RHAG: variants seen among roughly 807,000 people sequenced by gnomAD.
The protein encoded by RHAG is Rh associated glycoprotein.
RHAG carries 25 observed loss-of-function variants against 42.4 expected under a neutral mutation model. That is an observed-to-expected ratio of 0.59 (90% CI 0.43 to 0.82). RHAG has a LOEUF of 0.82. RHAG is among the 40% of genes least tolerant of loss of function. The pLI is 0.00. For synonymous variants in RHAG, 182 were observed against 177.7 expected, an observed-to-expected ratio of 1.02 and a Z score of -0.19; for missense variants, 483 against 504.6, an observed-to-expected ratio of 0.96 and a Z score of 0.41.
At chr6:49,614,980 C>A in intron 4 of RHAG, 127 bp from the exon 5 acceptor site, 1 of 877,976 alleles carries the variant, frequency 1.1e-6, no homozygotes, top group Non-Finnish European at 1.8e-6. Context: ...TGGAGTGTCC[C>A]TCTGTCACCC....
Position 49,605,454 on chromosome 6 carries a change from G to T in RHAG, c.*359C>A. 2 of 273,464 alleles carry T rather than the reference G, an allele frequency of 7.3e-6. No individual in the cohort carries two copies. The highest frequency in any genetic ancestry group is 1.4e-5 in the Non-Finnish European group (2 of 141,862). 16.9% of individuals were successfully genotyped at this position (273,464 alleles called of 1,614,324 possible). The stretch of plus-strand genomic sequence containing the variant: ...ATGGGTTTCAGTTTTATAATTTTTG[G>T]GATTGAAGACATAGTGTCTACATTA... On this transcript the variant is annotated 3_prime_UTR_variant, in exon 10 of 10. Transcript: ENST00000371175.
chr6:49,635,286 G>A (rs1451078174), intron 1 of RHAG, among the ~76,000 whole-genome samples: 3 of 151,928 alleles, frequency 2.0e-5, no homozygotes, highest in Non-Finnish European at 4.4e-5. Flanking sequence ...AAAGTCTTAA[G>A]ATAACTTTAT....
chr6:49,633,943 A>G (rs1223743597), intron 1 of RHAG, among the ~76,000 whole-genome samples: 3 of 152,100 alleles, frequency 2.0e-5, no homozygotes, highest in Non-Finnish European at 2.9e-5. Flanking sequence ...TCCTGAGGAC[A>G]TGGACTTTGC....
chr6:49,631,398 A>G (rs1762934236), intron 1 of RHAG, among the ~76,000 whole-genome samples: 1 of 152,194 alleles, frequency 6.6e-6, no homozygotes, highest in Non-Finnish European at 1.5e-5. Flanking sequence ...GTATTCTTCT[A>G]TAAAGAAGAG....
chr6:49,616,477 G>A (rs550099858), intron 3 of RHAG, among the ~76,000 whole-genome samples: 3 of 151,790 alleles, frequency 2.0e-5, no homozygotes, highest in South Asian at 2.1e-4. Context: ...AAAAACCAGA[G>A]TTTTTACCCA....
intron 6 of RHAG, 97 bp from the exon 7 acceptor site, chr6:49,611,242 G>T: frequency 1.1e-6 from 1 of 930,716 alleles, no homozygotes; most frequent in Non-Finnish European, 1.7e-6. Flanking sequence ...CTTCCATGGA[G>T]AAAAAGTATT....
At chr6:49,616,321 G>A (rs9473625) in intron 3 of RHAG, among the ~76,000 whole-genome samples, 25,406 of 137,412 alleles carry the variant, frequency 0.18, 2,372 homozygotes, top group African/African-American at 0.25. Context: ...TTGCATTCCA[G>A]CCTAGGTGAC....
chr6:49,624,757 G>A lies in RHAG; in HGVS notation c.158-5395C>T, dbSNP rs13437151. Among the ~76,000 whole-genome samples the A allele has an allele frequency of 2.8e-3, 424 of 152,200 alleles. 2 individuals carry two copies. The highest frequency in any genetic ancestry group is 9.6e-3 in the African/African-American group (400 of 41,534). On this transcript the variant is annotated intron_variant, in intron 1 of 9. Coordinates refer to ENST00000371175, the MANE Select transcript of RHAG (RefSeq NM_000324.3). ...TATCCAGAATAAACATGTAAACTGTGGTGTACATCTAACATCTAACACACT... is the reference window on the plus strand; with the variant it reads ...TATCCAGAATAAACATGTAAACTGTAGTGTACATCTAACATCTAACACACT...
At chr6:49,606,083 C>G (rs1445617274) in intron 9 of RHAG, among the ~76,000 whole-genome samples, 2 of 152,102 alleles carry the variant, frequency 1.3e-5, no homozygotes, top group Non-Finnish European at 2.9e-5. Flanking sequence ...CCCTCTCAAG[C>G]TTTGCGGGAA....
intron 1 of RHAG, among the ~76,000 whole-genome samples, chr6:49,624,476 A>G (rs975445280): frequency 1.3e-5 from 2 of 152,186 alleles, no homozygotes; most frequent in African/African-American, 4.8e-5. Flanking sequence ...AAGTGCTGGG[A>G]TTACAGGCAT....
intron 7 of RHAG, among the ~76,000 whole-genome samples, chr6:49,607,960 C>G (rs1762503213): frequency 6.6e-6 from 1 of 152,054 alleles, no homozygotes; most frequent in African/African-American, 2.4e-5. Flanking sequence ...GCACTAAACT[C>G]AGATTCCTTT....
At chr6:49,617,182 C>A (rs181894771) in intron 3 of RHAG, among the ~76,000 whole-genome samples, 2 of 152,116 alleles carry the variant, frequency 1.3e-5, no homozygotes, top group African/African-American at 4.8e-5. Context: ...GTTGTTGTTA[C>A]CTTGGCTTAA....
chr6:49,632,246 A>T (rs1489125532), intron 1 of RHAG: 1 of 152,158 alleles, frequency 6.6e-6, no homozygotes, highest in African/African-American at 2.4e-5. Flanking sequence ...TTGAGTTGCT[A>T]ATTGAACAAG....
At chr6:49,608,637 A>C (rs1581936106) in intron 7 of RHAG, among the ~76,000 whole-genome samples, 1 of 152,178 alleles carries the variant, frequency 6.6e-6, no homozygotes, top group South Asian at 2.1e-4. Context: ...TCGGCCTCCC[A>C]AAGTGCTAGG....
chr6:49,631,089 A>T (rs1387367858), intron 1 of RHAG, among the ~76,000 whole-genome samples: 6 of 152,212 alleles, frequency 3.9e-5, no homozygotes, highest in Non-Finnish European at 7.3e-5. Context: ...AGTATTGTGT[A>T]CTTCCCACTA....
At position 49,614,407 on chromosome 6, in the gene RHAG, G is replaced by A. The variant is rs62412395; in HGVS notation, c.807+280C>T. Among the ~76,000 whole-genome samples, 6,307 of 150,262 alleles carry A rather than the reference G, an allele frequency of 0.042. 168 individuals are homozygous for A. Among genetic ancestry groups the A allele is most frequent in the South Asian group, 0.11 (507 of 4,746 alleles). ...AGTAGTCACAGGGTTTCTCCATGTT[G>A]GCCAGGCTTGTCTTGAACTCTTGAC... is the stretch of plus-strand genomic sequence containing the variant. On this transcript the variant is annotated intron_variant, in intron 5 of 9. Transcript: ENST00000371175.
At chr6:49,608,625 C>T (rs1418558265) in intron 7 of RHAG, among the ~76,000 whole-genome samples, 1 of 152,164 alleles carries the variant, frequency 6.6e-6, no homozygotes, top group Non-Finnish European at 1.5e-5. Flanking sequence ...GATCCACCTG[C>T]CTCGGCCTCC....
At position 49,619,199 on chromosome 6, in the gene RHAG, T is replaced by C. The variant is rs2127353710; in HGVS notation, c.321A>G (p.Lys107=). 1 of 1,614,050 alleles carries C rather than the reference T, an allele frequency of 6.2e-7. No homozygotes were observed. The highest frequency in any genetic ancestry group is 8.5e-7 in the Non-Finnish European group (1 of 1,179,946). The change falls in exon 2 of 10, where the codon AAA becomes AAG. Residue 107 remains lysine (K), a synonymous_variant. Coordinates refer to ENST00000371175, the MANE Select transcript of RHAG (RefSeq NM_000324.3). ...CTCACTTTTTGATTCCAATGTTAAATTTCTGTCCCTGGCTTTGCAGGATTC... is the reference window on the plus strand; with the variant it reads ...CTCACTTTTTGATTCCAATGTTAAACTTCTGTCCCTGGCTTTGCAGGATTC... ...VQGILQSQGQ[K]FNIGIKNMIN...
chr6:49,632,481 C>G (rs886960805), intron 1 of RHAG, among the ~76,000 whole-genome samples: 8 of 152,274 alleles, frequency 5.3e-5, no homozygotes, highest in Non-Finnish European at 7.3e-5. Flanking sequence ...TTATCAACTT[C>G]CTGATACTTG....
Sources: gnomAD v4.1 joint callset for allele counts (sites outside exome capture counted in the v4.1 genomes callset) on GRCh38, gnomAD v4.1.1 for gene constraint, MANE v1.5 for transcripts, NCBI Gene and HGNC (gene_info 2026-07-23, HGNC 2026-07-21) for gene names.